The following CAB39 variants were observed in gnomAD, a reference collection of about 807,000 sequenced individuals.
CAB39 encodes calcium-binding protein 39.
In CAB39, 8 loss-of-function variants were observed where a neutral mutation model predicts 40.0. The ratio of observed to expected loss-of-function variants is 0.20; its 90% CI spans 0.12 to 0.36. The LOEUF (loss-of-function observed/expected upper bound fraction) is 0.36. Among genes scored for constraint, CAB39 ranks in the 10% least tolerant of loss-of-function variants. The pLI is 1.00. For missense variants in CAB39, 270 were observed against 401.1 expected (o/e 0.67, Z 2.79); for synonymous variants, 156 against 141.6 (o/e 1.10, Z -0.72).
intron 5 of CAB39, 39 bp from the exon 6 acceptor site, chr2:230,810,224 T>TG (rs1696280179): frequency 4.2e-6 from 4 of 947,560 alleles, no homozygotes; most frequent in Non-Finnish European, 6.5e-6. Context: ...TTTGAAAACT[T>TG]GGAGAACAAC....
chr2:230,819,393 A>G lies in CAB39; in HGVS notation c.*689A>G, dbSNP rs1019201673. On this transcript the variant is annotated 3_prime_UTR_variant, in exon 9 of 9. Transcript: ENST00000258418. ...ATGTTGAAGGGTATTTGTTAATTTT[A>G]CTTTTCAAAGATACTTTAAAACAGT... 17 of 152,756 alleles carry G rather than the reference A, an allele frequency of 1.1e-4. No individual in the cohort carries two copies. The highest frequency in any genetic ancestry group is 3.8e-4 in the African/African-American group (16 of 41,564). 9.5% of individuals were successfully genotyped at this position (152,756 alleles called of 1,614,324 possible).
intron 1 of CAB39, among the ~76,000 whole-genome samples, chr2:230,747,478 T>G (rs1694995963): frequency 6.6e-6 from 1 of 152,192 alleles, no homozygotes; most frequent in Non-Finnish European, 1.5e-5. Flanking sequence ...GTGGACAAAA[T>G]GAAAACACAT....
chr2:230,794,032 C>T (rs766148778), intron 4 of CAB39, among the ~76,000 whole-genome samples: 5 of 152,180 alleles, frequency 3.3e-5, no homozygotes, highest in Non-Finnish European at 5.9e-5. Flanking sequence ...GAGTTGTGTG[C>T]CAGCCCCGGG....
intron 1 of CAB39, among the ~76,000 whole-genome samples, chr2:230,755,749 C>G (rs79958103): frequency 1.3e-5 from 2 of 152,108 alleles, no homozygotes; most frequent in South Asian, 2.1e-4. Flanking sequence ...AAGACCTTAA[C>G]CAGTGGATTT....
Position 230,773,312 on chromosome 2 carries a change from ATATGTGTGTGTGTGTG to A in CAB39, c.114+13199_114+13214del, listed in dbSNP as rs1486063002. Among the ~76,000 whole-genome samples, 3 of 85,136 alleles carry A rather than the reference ATATGTGTGTGTGTGTG, an allele frequency of 3.5e-5. No homozygotes were observed. In the East Asian group the frequency reaches 8.6e-4, roughly 24 times the overall value. 55.9% of individuals were successfully genotyped at this position (85,136 alleles called of 152,430 possible). On this transcript the variant is annotated intron_variant, in intron 2 of 8. Coordinates refer to ENST00000258418, the MANE Select transcript of CAB39 (RefSeq NM_016289.4). The stretch of plus-strand genomic sequence containing the variant: ...TGGGTGTATGTGTATATATATATAT[ATATGTGTGTGTGTGTG>A]TGTGTGTGTGTGTGTGTGTGTTACA...
At chr2:230,745,457 C>G (rs966272563) in intron 1 of CAB39, among the ~76,000 whole-genome samples, 1 of 152,174 alleles carries the variant, frequency 6.6e-6, no homozygotes, top group Admixed American at 6.5e-5. Context: ...GTCCTCAGAC[C>G]TATGCTTGCA....
At chr2:230,759,647 A>G (rs1180030084) in intron 1 of CAB39, among the ~76,000 whole-genome samples, 2 of 152,186 alleles carry the variant, frequency 1.3e-5, no homozygotes, top group Non-Finnish European at 2.9e-5. Context: ...TTGCCCTGTG[A>G]GTGGGAGCTG....
At position 230,819,927 on chromosome 2, in the gene CAB39, A is replaced by C. The variant is rs1214661400; in HGVS notation, c.*1223A>C. 1.3e-5 allele frequency: 2 copies of C among 152,666 alleles called. No homozygotes were observed. Among genetic ancestry groups the C allele is most frequent in the East Asian group, 3.8e-4 (2 of 5,204 alleles). 9.5% of individuals were successfully genotyped at this position (152,666 alleles called of 1,614,324 possible). A position where few individuals can be genotyped will look rare whatever the true frequency, so the allele number is the denominator to read the frequency against. ...AAGTAACCCAGTACAATAGTTGTGA[A>C]CTGAATAATTAAAACTTTGGCTTCT... On this transcript the variant is annotated 3_prime_UTR_variant, in exon 9 of 9. Coordinates refer to ENST00000258418, the MANE Select transcript of CAB39 (RefSeq NM_016289.4).
Position 230,793,345 on chromosome 2 carries a change from A to G in CAB39, c.398+14A>G. ...GTTATTGAAAGGGTATGTACAATGT[A>G]ATAAAATTTGTATTCTCAGTTGAAC... On this transcript the variant is annotated intron_variant, in intron 4 of 8. Coordinates refer to ENST00000258418, the MANE Select transcript of CAB39 (RefSeq NM_016289.4). 1 of 1,302,474 alleles carries G rather than the reference A, an allele frequency of 7.7e-7. No homozygotes were observed. 80.7% of individuals were successfully genotyped at this position (1,302,474 alleles called of 1,614,324 possible).
intron 1 of CAB39, among the ~76,000 whole-genome samples, chr2:230,754,350 TTCC>T (rs1695145545): frequency 8.0e-6 from 1 of 125,034 alleles, no homozygotes. Context: ...CTCTTCTTCC[TTCC>T]TCTTCTTCCG....
intron 1 of CAB39, among the ~76,000 whole-genome samples, chr2:230,749,050 C>T (rs1235505656): frequency 6.8e-6 from 1 of 146,848 alleles, no homozygotes; most frequent in East Asian, 2.0e-4. Flanking sequence ...GCATTGTTGC[C>T]TTCACAACCT....
intron 1 of CAB39, among the ~76,000 whole-genome samples, chr2:230,718,658 GT>G (rs1694394703): frequency 6.6e-6 from 1 of 152,312 alleles, no homozygotes; most frequent in Admixed American, 6.5e-5. Context: ...ATGTGCTGCC[GT>G]GTATCAGATG....
Position 230,713,123 on chromosome 2 carries a change from C to G in CAB39, c.-151C>G, listed in dbSNP as rs529213049. On this transcript the variant is annotated 5_prime_UTR_variant, in exon 1 of 9. Coordinates refer to ENST00000258418, the MANE Select transcript of CAB39 (RefSeq NM_016289.4). ...GGCGGAAGACAACGGAGGGGCCGAGCGTCCGAGCCACTCCGCGGGGACCGA... is the reference window on the plus strand; with the variant it reads ...GGCGGAAGACAACGGAGGGGCCGAGGGTCCGAGCCACTCCGCGGGGACCGA... The G allele has an allele frequency of 4.6e-5, 7 of 151,958 alleles. No homozygotes were observed. The South Asian group carries it at 8.3e-4, about 18-fold the overall frequency. 9.4% of individuals were successfully genotyped at this position (151,958 alleles called of 1,614,324 possible).
At chr2:230,738,938 C>A (rs865918613) in intron 1 of CAB39, among the ~76,000 whole-genome samples, 1 of 152,202 alleles carries the variant, frequency 6.6e-6, no homozygotes, top group Non-Finnish European at 1.5e-5. Flanking sequence ...TTTCACCACT[C>A]TCAGGTATGA....
intron 1 of CAB39, among the ~76,000 whole-genome samples, chr2:230,756,935 C>T (rs956906442): frequency 2.6e-5 from 4 of 152,214 alleles, no homozygotes; most frequent in African/African-American, 9.7e-5. Flanking sequence ...TCGTGATCTG[C>T]TGGCCTCGTC....
intron 1 of CAB39, among the ~76,000 whole-genome samples, chr2:230,744,441 G>A (rs1215158994): frequency 2.0e-5 from 3 of 152,036 alleles, no homozygotes; most frequent in South Asian, 2.1e-4. Flanking sequence ...ATACAAGCAC[G>A]TGACACCATG....
rs541799696 is a variant in CAB39, at chr2:230,763,452, C to T, written c.114+3337C>T. 1.2e-4 allele frequency among the ~76,000 whole-genome samples: 19 copies of T among 152,102 alleles called. 1 individual carries two copies. The Middle Eastern group carries it at 0.01, about 82-fold the overall frequency. The stretch of plus-strand genomic sequence containing the variant: ...ACTAGAAATACAAAAATTAGCCAGG[C>T]ACGGTGGCACACGCCTGTAATCCCA... On this transcript the variant is annotated intron_variant, in intron 2 of 8. Transcript: ENST00000258418.
At chr2:230,740,720 C>T (rs1018453123) in intron 1 of CAB39, among the ~76,000 whole-genome samples, 1 of 152,168 alleles carries the variant, frequency 6.6e-6, no homozygotes, top group Non-Finnish European at 1.5e-5. Context: ...GCTGATCTGA[C>T]AGTAGGCAGA....
intron 1 of CAB39, among the ~76,000 whole-genome samples, chr2:230,752,760 T>C (rs1695113080): frequency 6.6e-6 from 1 of 152,178 alleles, no homozygotes; most frequent in South Asian, 2.1e-4. Flanking sequence ...TAAAGATAGA[T>C]TTAGAAAACA....
Sources: gnomAD v4.1 joint callset for allele counts (sites outside exome capture counted in the v4.1 genomes callset) on GRCh38, gnomAD v4.1.1 for gene constraint, MANE v1.5 for transcripts, NCBI Gene and HGNC (gene_info 2026-07-23, HGNC 2026-07-21) for gene names.